The following SDHAF3 variants were observed in gnomAD, a reference collection of about 807,000 sequenced individuals.
The protein encoded by SDHAF3 is succinate dehydrogenase complex assembly factor 3.
Under a neutral mutation model 11.5 loss-of-function variants are expected in SDHAF3, and 18 were observed. The ratio of observed to expected loss-of-function variants is 1.56; its 90% CI spans 1.08 to 2.32. SDHAF3 has a LOEUF of 2.32. Ranked by LOEUF, SDHAF3 falls within the 30% of genes most tolerant of loss-of-function variation. The probability of loss-of-function intolerance (pLI) is 0.00; values close to 1 mark genes in which losing one functional copy is unlikely to be tolerated. For synonymous variants in SDHAF3, 72 were observed against 59.3 expected, an observed-to-expected ratio of 1.21 and a Z score of -0.99; for missense variants, 200 against 154.4, an observed-to-expected ratio of 1.30 and a Z score of -1.57.
chr7:97,134,097 C>G (rs1394530149), intron 1 of SDHAF3, among the ~76,000 whole-genome samples: 2 of 152,200 alleles, frequency 1.3e-5, no homozygotes, highest in African/African-American at 2.4e-5. Flanking sequence ...GACTCCCTCC[C>G]CCCTTTCCAA....
intron 1 of SDHAF3, among the ~76,000 whole-genome samples, chr7:97,119,252 G>C (rs560354067): frequency 6.6e-6 from 1 of 152,178 alleles, no homozygotes; most frequent in African/African-American, 2.4e-5. Context: ...ACAGGAAGGA[G>C]AGTAGCTCTC....
At chr7:97,132,523 A>AC (rs1791686110) in intron 1 of SDHAF3, among the ~76,000 whole-genome samples, 2 of 152,188 alleles carry the variant, frequency 1.3e-5, no homozygotes, top group African/African-American at 4.8e-5. Flanking sequence ...AAGCAATGTG[A>AC]ATAATCTTAT....
chr7:97,153,590 G>C (rs1789257893), intron 1 of SDHAF3, among the ~76,000 whole-genome samples: 1 of 152,194 alleles, frequency 6.6e-6, no homozygotes, highest in Non-Finnish European at 1.5e-5. Context: ...TGGATCATAT[G>C]GTAAGAGTAT....
chr7:97,160,708 G>A (rs1789395454), intron 1 of SDHAF3, among the ~76,000 whole-genome samples: 1 of 152,240 alleles, frequency 6.6e-6, no homozygotes, highest in Admixed American at 6.5e-5. Context: ...GGCAGAGGTG[G>A]TCAGACTTGA....
chr7:97,143,193 G>T (rs1473432119), intron 1 of SDHAF3, among the ~76,000 whole-genome samples: 1 of 151,928 alleles, frequency 6.6e-6, no homozygotes, highest in Non-Finnish European at 1.5e-5. Context: ...ACCACTCCCA[G>T]CCCCTTCTTA....
chr7:97,119,243 C>G (rs1791454579), intron 1 of SDHAF3, among the ~76,000 whole-genome samples: 1 of 152,090 alleles, frequency 6.6e-6, no homozygotes, highest in African/African-American at 2.4e-5. Flanking sequence ...TGTGGCCGTA[C>G]AGGAAGGAGA....
At chr7:97,157,924 T>G (rs1248606473) in intron 1 of SDHAF3, among the ~76,000 whole-genome samples, 6 of 127,432 alleles carry the variant, frequency 4.7e-5, no homozygotes, top group Non-Finnish European at 7.8e-5. Context: ...TGAGAACACA[T>G]GGACACAGGA....
chr7:97,159,249 G>A (rs1159006322), intron 1 of SDHAF3, among the ~76,000 whole-genome samples: 2 of 152,104 alleles, frequency 1.3e-5, no homozygotes, highest in African/African-American at 4.8e-5. Flanking sequence ...CTCTCCTGGG[G>A]GTAATCTCCT....
intron 1 of SDHAF3, among the ~76,000 whole-genome samples, chr7:97,160,214 C>T (rs1475796263): frequency 1.1e-4 from 15 of 141,498 alleles, no homozygotes; most frequent in African/African-American, 2.7e-4. Flanking sequence ...CGCCCCTGCC[C>T]GGCCGCCCAT....
At chr7:97,139,592 T>C (rs532530540) in intron 1 of SDHAF3, among the ~76,000 whole-genome samples, 10 of 152,324 alleles carry the variant, frequency 6.6e-5, no homozygotes, top group African/African-American at 2.4e-4. Flanking sequence ...AGCTTGACTT[T>C]TAGGCTTTAA....
At chr7:97,163,432 G>T in intron 1 of SDHAF3, among the ~76,000 whole-genome samples, 1 of 152,120 alleles carries the variant, frequency 6.6e-6, no homozygotes. Context: ...GAGCCACTGC[G>T]CCTGGCCTAT....
chr7:97,170,097 CG>C (rs1357414575), intron 1 of SDHAF3, among the ~76,000 whole-genome samples: 2 of 141,478 alleles, frequency 1.4e-5, no homozygotes, highest in Admixed American at 1.4e-4. Context: ...TTGGCTAGTT[CG>C]TTTTTTTTTT....
chr7:97,129,162 T>C (rs1188739828), intron 1 of SDHAF3, among the ~76,000 whole-genome samples: 2 of 148,846 alleles, frequency 1.3e-5, no homozygotes, highest in Admixed American at 6.6e-5. Flanking sequence ...TCTGTCCATA[T>C]TTATGAATAA....
intron 1 of SDHAF3, among the ~76,000 whole-genome samples, chr7:97,174,717 C>T (rs555385753): frequency 2.8e-4 from 43 of 152,150 alleles, no homozygotes; most frequent in African/African-American, 8.9e-4. Context: ...GGAAGAATAC[C>T]ACCGAGGTGA....
At chr7:97,173,801 C>T (rs1160802064) in intron 1 of SDHAF3, among the ~76,000 whole-genome samples, 1 of 152,154 alleles carries the variant, frequency 6.6e-6, no homozygotes, top group Non-Finnish European at 1.5e-5. Context: ...ATCTGCCCAC[C>T]TCTGCCTCCC....
intron 1 of SDHAF3, among the ~76,000 whole-genome samples, chr7:97,141,252 C>T (rs1290860686): frequency 1.3e-5 from 2 of 152,102 alleles, no homozygotes; most frequent in East Asian, 1.9e-4. Flanking sequence ...TTTAATTTCA[C>T]CCCAGTTCTG....
chr7:97,180,776 T>C (rs1411925036), intron 1 of SDHAF3, among the ~76,000 whole-genome samples: 3 of 152,180 alleles, frequency 2.0e-5, no homozygotes, highest in East Asian at 1.9e-4. Flanking sequence ...TCTTTACTTA[T>C]ATCCAGGTTA....
intron 1 of SDHAF3, among the ~76,000 whole-genome samples, chr7:97,146,132 C>T (rs189937684): frequency 6.6e-4 from 100 of 151,742 alleles, no homozygotes; most frequent in African/African-American, 2.1e-3. Context: ...CACTTTTGAA[C>T]GCTAGATGAC....
intron 1 of SDHAF3, among the ~76,000 whole-genome samples, chr7:97,176,763 C>G (rs1789685811): frequency 6.6e-6 from 1 of 151,932 alleles, no homozygotes; most frequent in African/African-American, 2.4e-5. Flanking sequence ...AACATTATTC[C>G]CATAATTATT....
Sources: allele counts gnomAD v4.1 joint callset (sites outside exome capture counted in the v4.1 genomes callset), GRCh38; gene constraint gnomAD v4.1.1; transcripts MANE v1.5; gene names NCBI Gene and HGNC (gene_info 2026-07-23, HGNC 2026-07-21).